VAT1L: variants seen among roughly 807,000 people sequenced by gnomAD.
The protein encoded by VAT1L is putative NADPH-dependent quinone oxidoreductase VAT1L.
VAT1L carries 34 observed loss-of-function variants against 44.1 expected under a neutral mutation model. The observed-to-expected ratio is 0.77, with a 90% CI of 0.59 to 1.03. The LOEUF (loss-of-function observed/expected upper bound fraction) is 1.03. VAT1L is among the 50% of genes least tolerant of loss of function. VAT1L has a pLI of 0.00. For synonymous variants in VAT1L, 253 were observed against 202.2 expected, an observed-to-expected ratio of 1.25 and a Z score of -2.13; for missense variants, 615 against 538.8, an observed-to-expected ratio of 1.14 and a Z score of -1.40.
chr16:77,902,489 T>A (rs1355652724), intron 7 of VAT1L, among the ~76,000 whole-genome samples: 2 of 152,178 alleles, frequency 1.3e-5, no homozygotes, highest in Non-Finnish European at 2.9e-5. Context: ...CCAATTTAAA[T>A]GCTTTAAAAT....
At chr16:77,871,201 T>TC (rs1383943724) in intron 4 of VAT1L, among the ~76,000 whole-genome samples, 2 of 151,974 alleles carry the variant, frequency 1.3e-5, no homozygotes, top group East Asian at 3.9e-4. Context: ...GCCCAACTTC[T>TC]CCCCCTCAGA....
At chr16:77,851,302 G>T (rs1387729350) in intron 3 of VAT1L, among the ~76,000 whole-genome samples, 9 of 152,168 alleles carry the variant, frequency 5.9e-5, no homozygotes, top group Non-Finnish European at 1.3e-4. Flanking sequence ...TATTTAACCT[G>T]GAATTAGTAA....
At chr16:77,793,424 CT>C (rs1167819220) in intron 1 of VAT1L, among the ~76,000 whole-genome samples, 2 of 152,178 alleles carry the variant, frequency 1.3e-5, no homozygotes, top group Non-Finnish European at 2.9e-5. Flanking sequence ...CTGGAACTGT[CT>C]TAGGCAAACC....
chr16:77,911,336 C>G (rs920391390), intron 7 of VAT1L, among the ~76,000 whole-genome samples: 1 of 152,102 alleles, frequency 6.6e-6, no homozygotes, highest in African/African-American at 2.4e-5. Flanking sequence ...ATCATTTTCC[C>G]CTACTATCAG....
chr16:77,827,891 T>C (rs1335893871), intron 3 of VAT1L, among the ~76,000 whole-genome samples: 1 of 152,190 alleles, frequency 6.6e-6, no homozygotes, highest in East Asian at 1.9e-4. Context: ...CGGTGCACTC[T>C]TAATGTAATC....
chr16:77,937,665 C>T (rs1038745204), intron 7 of VAT1L, among the ~76,000 whole-genome samples: 9 of 152,224 alleles, frequency 5.9e-5, no homozygotes, highest in African/African-American at 2.2e-4. Context: ...TGTTACATCC[C>T]AGTATGCACT....
chr16:77,919,979 G>C (rs527870904), intron 7 of VAT1L, among the ~76,000 whole-genome samples: 63 of 152,186 alleles, frequency 4.1e-4, no homozygotes, highest in African/African-American at 1.5e-3. Flanking sequence ...AGCCTCTTGA[G>C]AGTCTGACAT....
At chr16:77,934,449 C>CA (rs914419875) in intron 7 of VAT1L, among the ~76,000 whole-genome samples, 10 of 151,420 alleles carry the variant, frequency 6.6e-5, no homozygotes, top group Admixed American at 2.0e-4. Flanking sequence ...AAGCAGAATC[C>CA]AAAAAACAAA....
At chr16:77,804,748 G>C (rs2016125503) in intron 1 of VAT1L, among the ~76,000 whole-genome samples, 1 of 152,084 alleles carries the variant, frequency 6.6e-6, no homozygotes, top group Admixed American at 6.5e-5. Context: ...CTGCTACAAT[G>C]AGCTTCCTTC....
intron 3 of VAT1L, among the ~76,000 whole-genome samples, chr16:77,859,123 G>A (rs149664046): frequency 2.4e-3 from 353 of 146,632 alleles, no homozygotes; most frequent in African/African-American, 8.5e-3. Context: ...CAACAAGAGC[G>A]AAACTCCATC....
intron 3 of VAT1L, among the ~76,000 whole-genome samples, chr16:77,839,535 C>CAAAA (rs71137846): frequency 0.021 from 1,047 of 49,120 alleles, 30 homozygotes; most frequent in East Asian, 0.033. Flanking sequence ...TACTCCATAT[C>CAAAA]AAAAAAAAAA....
chr16:77,905,068 A>T (rs777469913), intron 7 of VAT1L, among the ~76,000 whole-genome samples: 14 of 152,206 alleles, frequency 9.2e-5, no homozygotes, highest in Admixed American at 6.5e-4. Context: ...ACTGGTGTCA[A>T]GTAAGAGGAA....
At chr16:77,893,248 T>C (rs940243885) in intron 7 of VAT1L, among the ~76,000 whole-genome samples, 1 of 152,032 alleles carries the variant, frequency 6.6e-6, no homozygotes, top group Non-Finnish European at 1.5e-5. Context: ...GGCATGAATA[T>C]AGGTAAGCCA....
intron 7 of VAT1L, among the ~76,000 whole-genome samples, chr16:77,894,558 TG>T (rs2017301236): frequency 6.6e-6 from 1 of 152,044 alleles, no homozygotes; most frequent in Non-Finnish European, 1.5e-5. Flanking sequence ...CTGGGGGACT[TG>T]GAGAGAATGG....
intron 7 of VAT1L, among the ~76,000 whole-genome samples, chr16:77,971,459 A>G (rs182827288): frequency 4.6e-5 from 7 of 152,306 alleles, no homozygotes; most frequent in African/African-American, 1.7e-4. Flanking sequence ...GTTAAATAAC[A>G]TTGAAGTAAG....
chr16:77,958,543 T>A (rs559023446), intron 7 of VAT1L, among the ~76,000 whole-genome samples: 1 of 152,350 alleles, frequency 6.6e-6, no homozygotes, highest in Admixed American at 6.5e-5. Context: ...TGTGGAGCGT[T>A]GTTAACTAAC....
intron 3 of VAT1L, among the ~76,000 whole-genome samples, chr16:77,854,721 C>T (rs753589218): frequency 3.3e-5 from 5 of 152,180 alleles, no homozygotes; most frequent in Admixed American, 1.3e-4. Context: ...GTCTCTTCTC[C>T]GAACATTCAC....
chr16:77,788,976 G>T, intron 1 of VAT1L, 61 bp downstream of exon 1: 20 of 1,422,108 alleles, frequency 1.4e-5, no homozygotes, highest in Non-Finnish European at 1.8e-5. Flanking sequence ...TGGGGAGGGG[G>T]TGGGAAAGCT....
intron 7 of VAT1L, among the ~76,000 whole-genome samples, chr16:77,947,605 G>A (rs2017984897): frequency 6.6e-6 from 1 of 152,054 alleles, no homozygotes; most frequent in Admixed American, 6.6e-5. Flanking sequence ...CATAAGAGGG[G>A]CCAGCTGACC....
Sources: gnomAD v4.1 joint callset for allele counts (sites outside exome capture counted in the v4.1 genomes callset) on GRCh38, gnomAD v4.1.1 for gene constraint, MANE v1.5 for transcripts, NCBI Gene and HGNC (gene_info 2026-07-23, HGNC 2026-07-21) for gene names.